ARFIP1: variants seen among roughly 807,000 people sequenced by gnomAD.
ARFIP1 encodes the protein arfaptin-1.
Under a neutral mutation model 42.5 loss-of-function variants are expected in ARFIP1, and 24 were observed. The ratio of observed to expected loss-of-function variants is 0.57; its 90% CI spans 0.41 to 0.80. The LOEUF (loss-of-function observed/expected upper bound fraction) is 0.80, where lower values mean the gene tolerates loss of function less well. Among genes scored for constraint, ARFIP1 ranks in the 30% least tolerant of loss-of-function variants. ARFIP1 has a pLI of 0.00. For synonymous variants in ARFIP1, 141 were observed against 153.7 expected, an observed-to-expected ratio of 0.92 and a Z score of 0.61; for missense variants, 354 against 434.0, an observed-to-expected ratio of 0.82 and a Z score of 1.64.
At chr4:152,794,570 T>G (rs1731323974) in intron 1 of ARFIP1, among the ~76,000 whole-genome samples, 2 of 152,206 alleles carry the variant, frequency 1.3e-5, no homozygotes, top group Non-Finnish European at 2.9e-5. Context: ...CCCTTTTTAG[T>G]TGGTAAGTAT....
intron 2 of ARFIP1, among the ~76,000 whole-genome samples, chr4:152,842,343 A>C (rs1459289551): frequency 2.0e-5 from 3 of 151,930 alleles, no homozygotes; most frequent in Non-Finnish European, 4.4e-5. Context: ...AAAAAAAAAA[A>C]AAAGATTCTT....
At chr4:152,792,433 G>T (rs185701902) in intron 1 of ARFIP1, among the ~76,000 whole-genome samples, 1 of 152,112 alleles carries the variant, frequency 6.6e-6, no homozygotes, top group Admixed American at 6.6e-5. Flanking sequence ...TCATATTCCA[G>T]TATGATGTGC....
chr4:152,899,903 A>G lies in ARFIP1; in HGVS notation c.967-10161A>G, dbSNP rs145000752. ...CACAGATGATAATGCTGGGGTTCAG[A>G]GAGGTTGAGTAGTTTGTTCAAAGTC... On this transcript the variant is annotated intron_variant, in intron 8 of 8. Coordinates refer to ENST00000353617, the MANE Select transcript of ARFIP1 (RefSeq NM_001025595.3). Among the ~76,000 whole-genome samples, 68 of 152,304 alleles carry G rather than the reference A, an allele frequency of 4.5e-4. 1 individual carries two copies. Among genetic ancestry groups the G allele is most frequent in the African/African-American group, 1.4e-3 (57 of 41,556 alleles).
intron 8 of ARFIP1, among the ~76,000 whole-genome samples, chr4:152,909,558 G>A (rs1738670530): frequency 6.6e-6 from 1 of 152,144 alleles, no homozygotes. Context: ...AGTCATATGA[G>A]CGTTAAGTAA....
At chr4:152,784,693 A>C (rs1193720991) in intron 1 of ARFIP1, among the ~76,000 whole-genome samples, 1 of 152,270 alleles carries the variant, frequency 6.6e-6, no homozygotes, top group Admixed American at 6.5e-5. Context: ...AATCTGAATA[A>C]CTTTGGGTAT....
chr4:152,854,698 C>G (rs1454834246), intron 2 of ARFIP1, among the ~76,000 whole-genome samples: 1 of 152,198 alleles, frequency 6.6e-6, no homozygotes, highest in African/African-American at 2.4e-5. Context: ...GTAGTGTACT[C>G]TCTGTATAAT....
intron 5 of ARFIP1, among the ~76,000 whole-genome samples, chr4:152,880,060 G>C (rs1322721328): frequency 6.6e-6 from 1 of 152,108 alleles, no homozygotes. Context: ...CAGGTTTCTA[G>C]GCTGAGCACA....
At chr4:152,828,374 G>T (rs1366497933) in intron 1 of ARFIP1, among the ~76,000 whole-genome samples, 1 of 152,196 alleles carries the variant, frequency 6.6e-6, no homozygotes, top group East Asian at 1.9e-4. Flanking sequence ...TCAGCATTTG[G>T]TGTTGTCAGT....
chr4:152,791,813 T>C (rs1731159059), intron 1 of ARFIP1, among the ~76,000 whole-genome samples: 1 of 152,180 alleles, frequency 6.6e-6, no homozygotes, highest in South Asian at 2.1e-4. Flanking sequence ...ACAGAAAGAA[T>C]ATGTTTTTCC....
At chr4:152,803,047 C>G (rs894639320) in intron 1 of ARFIP1, among the ~76,000 whole-genome samples, 2 of 152,076 alleles carry the variant, frequency 1.3e-5, no homozygotes, top group Non-Finnish European at 2.9e-5. Flanking sequence ...TACTGTGTAT[C>G]CTCAGGGTAA....
chr4:152,855,613 C>T (rs1484722922), intron 2 of ARFIP1, among the ~76,000 whole-genome samples: 1 of 152,188 alleles, frequency 6.6e-6, no homozygotes. Flanking sequence ...AGTGTGAGAT[C>T]TGTTGGGAGC....
chr4:152,860,123 A>G lies in ARFIP1; in HGVS notation c.94-3483A>G, dbSNP rs371481475. On this transcript the variant is annotated intron_variant, in intron 2 of 8. Coordinates refer to ENST00000353617, the MANE Select transcript of ARFIP1 (RefSeq NM_001025595.3). ...ATTTAAAAATTGGGATGAAGGAGAAAGACATTAATACTTGAAGTACCAGAT... is the reference window on the plus strand; with the variant it reads ...ATTTAAAAATTGGGATGAAGGAGAAGGACATTAATACTTGAAGTACCAGAT... Among the ~76,000 whole-genome samples the G allele has an allele frequency of 2.7e-4, 41 of 152,266 alleles. No homozygotes were observed. In the East Asian group the frequency reaches 5.0e-3, roughly 19 times the overall value.
At chr4:152,781,815 C>T (rs1730515012) in intron 1 of ARFIP1, among the ~76,000 whole-genome samples, 1 of 152,188 alleles carries the variant, frequency 6.6e-6, no homozygotes, top group Non-Finnish European at 1.5e-5. Flanking sequence ...TTATGATTTG[C>T]CTTAATCCTG....
intron 2 of ARFIP1, among the ~76,000 whole-genome samples, chr4:152,849,275 T>C (rs1052099196): frequency 4.6e-5 from 7 of 151,422 alleles, no homozygotes; most frequent in African/African-American, 1.7e-4. Flanking sequence ...TAGTAATATG[T>C]TTTTTTTTAT....
intron 1 of ARFIP1, among the ~76,000 whole-genome samples, chr4:152,804,503 ATAT>A: frequency 7.9e-6 from 1 of 127,284 alleles, no homozygotes; most frequent in East Asian, 2.1e-4. Context: ...TATATATAAT[ATAT>A]ATATATATAT....
chr4:152,898,204 G>T (rs1579036903), intron 8 of ARFIP1, among the ~76,000 whole-genome samples: 1 of 151,816 alleles, frequency 6.6e-6, no homozygotes, highest in Non-Finnish European at 1.5e-5. Flanking sequence ...GGCTGGTCTT[G>T]AACTCCTGAC....
At chr4:152,901,444 A>G (rs1305112136) in intron 8 of ARFIP1, among the ~76,000 whole-genome samples, 2 of 152,186 alleles carry the variant, frequency 1.3e-5, no homozygotes, top group Non-Finnish European at 2.9e-5. Flanking sequence ...TTGCCCTTTA[A>G]CAATGAAAGT....
chr4:152,837,712 G>A (rs1422598673), intron 2 of ARFIP1, among the ~76,000 whole-genome samples: 1 of 152,120 alleles, frequency 6.6e-6, no homozygotes, highest in African/African-American at 2.4e-5. Context: ...TGAAGATTTT[G>A]TCCCACTCTG....
At chr4:152,781,357 T>G (rs1730485959) in intron 1 of ARFIP1, among the ~76,000 whole-genome samples, 1 of 150,734 alleles carries the variant, frequency 6.6e-6, no homozygotes, top group African/African-American at 2.4e-5. Context: ...TGTCTCAGCC[T>G]TCTGAGTAGC....
Sources: gnomAD v4.1 joint callset for allele counts (sites outside exome capture counted in the v4.1 genomes callset) on GRCh38, gnomAD v4.1.1 for gene constraint, MANE v1.5 for transcripts, NCBI Gene and HGNC (gene_info 2026-07-23, HGNC 2026-07-21) for gene names.